Variants in IPO11 observed in about 807,000 individuals in gnomAD.
The protein encoded by IPO11 is importin 11, also known as importin-11.
Under a neutral mutation model 143.2 loss-of-function variants are expected in IPO11, and 66 were observed. The observed-to-expected ratio is 0.46, with a 90% CI of 0.38 to 0.57. The LOEUF is 0.57. Ranked by LOEUF, IPO11 falls within the 20% of genes least tolerant of loss-of-function variation. The pLI is 0.00. For missense variants in IPO11, 1,026 were observed against 1,141.0 expected, an observed-to-expected ratio of 0.90 and a Z score of 1.45; for synonymous variants, 385 against 377.8, an observed-to-expected ratio of 1.02 and a Z score of -0.22.
At chr5:62,446,968 A>C (rs937061685) in intron 3 of IPO11, among the ~76,000 whole-genome samples, 1 of 129,820 alleles carries the variant, frequency 7.7e-6, no homozygotes, top group Non-Finnish European at 1.5e-5. Context: ...CTCTGACTGC[A>C]AAAAAAAAAA....
chr5:62,580,462 C>T, intron 27 of IPO11: 1 of 1,551,362 alleles, frequency 6.4e-7, no homozygotes, highest in East Asian at 2.4e-5. Context: ...AGCCTTGCAT[C>T]CAAGGGTCCT....
chr5:62,463,936 G>A (rs1018493102), intron 5 of IPO11, among the ~76,000 whole-genome samples: 7 of 151,076 alleles, frequency 4.6e-5, no homozygotes. Context: ...CATTTCTCCT[G>A]CCTTAGCTTC....
At chr5:62,494,205 C>A (rs1741047895) in intron 16 of IPO11, 81 bp downstream of exon 16, 1 of 1,292,438 alleles carries the variant, frequency 7.7e-7, no homozygotes, top group Non-Finnish European at 1.1e-6. Context: ...CAGTTTATGT[C>A]TTTTCTTTAT....
In IPO11 at chr5:62,598,412, CTTTCTTTCTTTCTTTCTT is replaced by C. The variant is rs1355957682; in HGVS notation, c.2679-3350_2679-3333del. Among the ~76,000 whole-genome samples, 6 of 14,186 alleles carry C rather than the reference CTTTCTTTCTTTCTTTCTT, an allele frequency of 4.2e-4. 1 individual carries two copies. In the South Asian group the frequency reaches 0.015, roughly 35 times the overall value. 9.3% of individuals were successfully genotyped at this position (14,186 alleles called of 152,430 possible). ...GCTTGCTTTCTTTCTTTCTTTCTTT[CTTTCTTTCTTTCTTTCTT>C]TCTCTCTCTCTCTCTCTCTCTCTCT... On this transcript the variant is annotated intron_variant, in intron 28 of 29. Transcript: ENST00000325324.
chr5:62,434,363 G>A (rs768758837), intron 1 of IPO11, among the ~76,000 whole-genome samples: 26 of 151,860 alleles, frequency 1.7e-4, no homozygotes, highest in Non-Finnish European at 1.6e-4. Context: ...GTGCAGTGGC[G>A]TGATCACAGC....
chr5:62,491,476 C>G (rs1223498173), intron 15 of IPO11, among the ~76,000 whole-genome samples: 3 of 152,082 alleles, frequency 2.0e-5, no homozygotes, highest in Admixed American at 2.0e-4. Context: ...AGTGTAAGAC[C>G]TTCACTGTCC....
At chr5:62,466,928 T>C (rs1214229909) in intron 5 of IPO11, among the ~76,000 whole-genome samples, 1 of 152,232 alleles carries the variant, frequency 6.6e-6, no homozygotes, top group Non-Finnish European at 1.5e-5. Flanking sequence ...TGTGTGTGTT[T>C]AGCAGCCAGT....
At chr5:62,544,574 C>G (rs1007890138) in intron 24 of IPO11, among the ~76,000 whole-genome samples, 5 of 152,152 alleles carry the variant, frequency 3.3e-5, no homozygotes, top group African/African-American at 1.2e-4. Context: ...CACTCCTATT[C>G]AACATAGTGT....
At chr5:62,533,603 T>C (rs1742632933) in intron 22 of IPO11, among the ~76,000 whole-genome samples, 1 of 152,166 alleles carries the variant, frequency 6.6e-6, no homozygotes, top group Non-Finnish European at 1.5e-5. Context: ...GAATACTGTT[T>C]TTGTATGTTA....
intron 27 of IPO11, chr5:62,580,607 C>G (rs1415024494): frequency 1.3e-6 from 2 of 1,551,468 alleles, no homozygotes; most frequent in Non-Finnish European, 8.7e-7. Context: ...AATCCCCCAT[C>G]CATGCGTGGC....
intron 16 of IPO11, among the ~76,000 whole-genome samples, chr5:62,496,368 A>G (rs773837384): frequency 7.9e-5 from 12 of 152,058 alleles, no homozygotes; most frequent in Admixed American, 4.6e-4. Context: ...CATAGAATAT[A>G]CTTTGAGGAA....
rs116055631 is a variant in IPO11 at position 62,507,089 on chromosome 5, A to G, written c.1782+732A>G. ...AGCTATTAATTATTGACTAATGACA[A>G]CATACTGACATATGTGCTACATGCT... On this transcript the variant is annotated intron_variant, in intron 19 of 29. Transcript: ENST00000325324. Among the ~76,000 whole-genome samples, 1,203 of 152,330 alleles carry G rather than the reference A, an allele frequency of 7.9e-3. 20 individuals are homozygous for G. Among genetic ancestry groups the G allele is most frequent in the African/African-American group, 0.027 (1,138 of 41,582 alleles).
At chr5:62,481,348 G>T (rs189649590) in intron 9 of IPO11, among the ~76,000 whole-genome samples, 9 of 152,180 alleles carry the variant, frequency 5.9e-5, no homozygotes, top group Non-Finnish European at 1.3e-4. Context: ...AGTTTTCAAA[G>T]GGAATGCTTC....
chr5:62,519,845 C>G (rs1742147485), intron 20 of IPO11, among the ~76,000 whole-genome samples: 2 of 152,188 alleles, frequency 1.3e-5, no homozygotes, highest in Non-Finnish European at 2.9e-5. Context: ...TGTTTCCGTA[C>G]TCATTCAGCT....
intron 28 of IPO11, among the ~76,000 whole-genome samples, chr5:62,599,444 CAATG>C (rs1181326181): frequency 1.3e-5 from 2 of 152,144 alleles, no homozygotes; most frequent in Non-Finnish European, 2.9e-5. Flanking sequence ...TATCAGCGCT[CAATG>C]AATGTTTGTA....
At chr5:62,569,567 T>G (rs1240494186) in intron 27 of IPO11, among the ~76,000 whole-genome samples, 2 of 152,216 alleles carry the variant, frequency 1.3e-5, no homozygotes, top group Non-Finnish European at 2.9e-5. Flanking sequence ...GTTTCCATTA[T>G]CTGATTATAT....
At chr5:62,575,260 A>G (rs1315156718) in intron 27 of IPO11, among the ~76,000 whole-genome samples, 1 of 152,194 alleles carries the variant, frequency 6.6e-6, no homozygotes, top group Non-Finnish European at 1.5e-5. Flanking sequence ...ACCTTTACCC[A>G]GAATCACCTG....
intron 26 of IPO11, among the ~76,000 whole-genome samples, chr5:62,557,836 C>T (rs1369479692): frequency 6.6e-6 from 1 of 152,152 alleles, no homozygotes; most frequent in Non-Finnish European, 1.5e-5. Context: ...CATATGTTTG[C>T]TGCACTGTCC....
At chr5:62,422,168 C>T (rs1453035432) in intron 1 of IPO11, among the ~76,000 whole-genome samples, 1 of 151,956 alleles carries the variant, frequency 6.6e-6, no homozygotes, top group Non-Finnish European at 1.5e-5. Flanking sequence ...TGCTTGTTGC[C>T]CAGGCTGGAG....
Sources: allele counts gnomAD v4.1 joint callset (sites outside exome capture counted in the v4.1 genomes callset), GRCh38; gene constraint gnomAD v4.1.1; transcripts MANE v1.5; gene names NCBI Gene and HGNC (gene_info 2026-07-23, HGNC 2026-07-21).